ADORA1: variants seen among roughly 807,000 people sequenced by gnomAD.
ADORA1 encodes adenosine receptor A1.
A neutral mutation model predicts 19.9 loss-of-function variants in ADORA1; 6 were observed. That is an observed-to-expected ratio of 0.30 (90% CI 0.17 to 0.59). ADORA1 has a LOEUF of 0.59. Ranked by LOEUF, ADORA1 falls within the 20% of genes least tolerant of loss-of-function variation. The pLI, the probability that ADORA1 is intolerant of heterozygous loss-of-function variation, is 0.87. For synonymous variants in ADORA1, 194 were observed against 188.4 expected, an observed-to-expected ratio of 1.03 and a Z score of -0.24; for missense variants, 302 against 439.2, an observed-to-expected ratio of 0.69 and a Z score of 2.79.
intron 3 of ADORA1, among the ~76,000 whole-genome samples, chr1:203,146,015 T>A (rs1654847983): frequency 2.6e-5 from 4 of 152,174 alleles, no homozygotes; most frequent in Admixed American, 2.6e-4. Flanking sequence ...GGCATCTGCC[T>A]CTGAAATGTC....
At chr1:203,150,756 C>CT in intron 3 of ADORA1, 2 of 1,289,748 alleles carry the variant, frequency 1.6e-6, no homozygotes, top group Non-Finnish European at 2.0e-6. Flanking sequence ...GGGGTGGACT[C>CT]TTTCTTTGGA....
chr1:203,165,382 GC>G lies in ADORA1; in HGVS notation c.465del (p.Trp156GlyfsTer11). 1 of 1,604,922 alleles carries G rather than the reference GC, an allele frequency of 6.2e-7. No individual in the cohort carries two copies. The highest frequency in any genetic ancestry group is 8.5e-7 in the Non-Finnish European group (1 of 1,175,490). ...GWNNLSAVER[A>X]WAANGSMGEP... is the part of the protein sequence containing the mutation. The stretch of plus-strand genomic sequence containing the variant: ...GAACAATCTGAGTGCGGTGGAGCGG[GC>G]CTGGGCAGCCAACGGCAGCATGGGG... On this transcript the variant is annotated frameshift_variant, in exon 4 of 4. Transcript: ENST00000337894. LOFTEE classifies it high-confidence loss of function. This position sits in a 1 kb window ranked among gnomAD's most constrained non-coding sequence, Gnocchi z 5.9.
rs2228079 is a variant in ADORA1 at position 203,129,147 on chromosome 1, T to G, written c.306T>G (p.Ala102=). 0.32 allele frequency: 512,191 copies of G among 1,613,614 alleles called. 84,762 individuals are homozygous for G. Among genetic ancestry groups the G allele is most frequent in the South Asian group, 0.41 (37,187 of 91,022 alleles). ...CCATCCTGGCCCTGCTGGCAATTGCTGTGGACCGCTACCTCCGGGTCAAGA... is the reference window on the plus strand; with the variant it reads ...CCATCCTGGCCCTGCTGGCAATTGCGGTGGACCGCTACCTCCGGGTCAAGA... ...QSSILALLAI[A]VDRYLRVKIP... is the part of the protein sequence containing the mutation. The change falls in exon 3 of 4, where the codon GCT becomes GCG. Residue 102 remains alanine (A), a synonymous_variant. Coordinates refer to ENST00000337894, the MANE Select transcript of ADORA1 (RefSeq NM_000674.3).
At chr1:203,161,745 A>T (rs1655375361) in intron 3 of ADORA1, among the ~76,000 whole-genome samples, 1 of 150,530 alleles carries the variant, frequency 6.6e-6, no homozygotes, top group African/African-American at 2.4e-5. Context: ...CTAATTTTGT[A>T]TTTTTTTTTA....
chr1:203,128,420 A>T lies in ADORA1; in HGVS notation c.-70A>T, dbSNP rs892834029. 1.5e-6 allele frequency: 2 copies of T among 1,292,306 alleles called. No individual in the cohort carries two copies. The highest frequency in any genetic ancestry group is 3.0e-5 in the African/African-American group (2 of 65,970). The allele number at this position is 1,292,306 out of a possible 1,614,324, so 80.1% of individuals were successfully genotyped here. A position where few individuals can be genotyped will look rare whatever the true frequency, so the allele number is the denominator to read the frequency against. The stretch of plus-strand genomic sequence containing the variant: ...ACTGCCTCTGGGACCCCTGCCGGCC[A>T]GCAGGCAGGATGGTGAGCTCCCTGC... On this transcript the variant is annotated 5_prime_UTR_variant, in exon 2 of 4. Transcript: ENST00000337894. This position sits in a 1 kb window ranked among gnomAD's most constrained non-coding sequence, Gnocchi z 5.9.
intron 3 of ADORA1, chr1:203,144,636 C>T (rs1368298262): frequency 1.3e-5 from 2 of 152,196 alleles, no homozygotes; most frequent in African/African-American, 4.8e-5. Flanking sequence ...AAGATCTGTA[C>T]TTGAGCCTTG....
intron 3 of ADORA1, among the ~76,000 whole-genome samples, chr1:203,139,371 C>T (rs1054904963): frequency 2.6e-5 from 4 of 152,088 alleles, no homozygotes; most frequent in Admixed American, 2.0e-4. Context: ...TTCCCATTTT[C>T]GTAGTGAATT....
chr1:203,133,931 G>A (rs1268480720), intron 3 of ADORA1, among the ~76,000 whole-genome samples: 1 of 152,234 alleles, frequency 6.6e-6, no homozygotes, highest in Non-Finnish European at 1.5e-5. Context: ...GAAATGCCTT[G>A]TGTGCCGTCA....
At chr1:203,144,575 C>T (rs1215216206) in intron 3 of ADORA1, 1 of 152,196 alleles carries the variant, frequency 6.6e-6, no homozygotes, top group Non-Finnish European at 1.5e-5. Context: ...AACAGCCACA[C>T]AGCTAAGTAT....
At chr1:203,138,036 C>A (rs1654565621) in intron 3 of ADORA1, among the ~76,000 whole-genome samples, 1 of 152,058 alleles carries the variant, frequency 6.6e-6, no homozygotes, top group African/African-American at 2.4e-5. Context: ...TGTTTAAATT[C>A]ATGATGTATT....
Position 203,128,517 on chromosome 1 carries a change from G to C in ADORA1, c.-58+85G>C. On this transcript the variant is annotated intron_variant, in intron 2 of 3. Transcript: ENST00000337894. This position sits in a 1 kb window ranked among gnomAD's most constrained non-coding sequence, Gnocchi z 5.9. Reference sequence around the variant, plus strand: ...CCTCTGTGCGTGTGTCTGTGTGTGCGCGCGCGCTGGGAGCTGCCTCACACC... The same window carrying C: ...CCTCTGTGCGTGTGTCTGTGTGTGCCCGCGCGCTGGGAGCTGCCTCACACC... The C allele has an allele frequency of 9.4e-7, 1 of 1,069,444 alleles. No homozygotes were observed. The highest frequency in any genetic ancestry group is 1.2e-6 in the Non-Finnish European group (1 of 801,320). The allele number at this position is 1,069,444 out of a possible 1,614,324, so 66.2% of individuals were successfully genotyped here. A position where few individuals can be genotyped will look rare whatever the true frequency, so the allele number is the denominator to read the frequency against.
chr1:203,141,861 G>C (rs1238153416), intron 3 of ADORA1, among the ~76,000 whole-genome samples: 2 of 152,116 alleles, frequency 1.3e-5, no homozygotes, highest in Non-Finnish European at 2.9e-5. Context: ...GGGATTACAG[G>C]CATGAGCCAC....
intron 3 of ADORA1, among the ~76,000 whole-genome samples, chr1:203,143,357 C>G (rs1571792369): frequency 6.6e-6 from 1 of 152,278 alleles, no homozygotes; most frequent in East Asian, 1.9e-4. Context: ...TTATCTAACC[C>G]TAATTACCTC....
chr1:203,149,514 A>G (rs1654965939), intron 3 of ADORA1, among the ~76,000 whole-genome samples: 1 of 152,096 alleles, frequency 6.6e-6, no homozygotes, highest in Non-Finnish European at 1.5e-5. Flanking sequence ...GCTGTTCCCC[A>G]CCTCCACCCA....
At chr1:203,145,679 A>G (rs936126754) in intron 3 of ADORA1, among the ~76,000 whole-genome samples, 3 of 152,224 alleles carry the variant, frequency 2.0e-5, no homozygotes, top group African/African-American at 7.2e-5. Context: ...ACCTCGGTGA[A>G]GTGGAACTAG....
chr1:203,159,516 T>C (rs917539436), intron 3 of ADORA1, among the ~76,000 whole-genome samples: 24 of 152,176 alleles, frequency 1.6e-4, no homozygotes, highest in Admixed American at 2.6e-4. Flanking sequence ...GATCTTTCCC[T>C]GGCTGGCTCG....
At chr1:203,144,081 TACACAC>T (rs10525873) in intron 3 of ADORA1, among the ~76,000 whole-genome samples, 6,883 of 139,754 alleles carry the variant, frequency 0.049, 181 homozygotes, top group Middle Eastern at 0.075. Flanking sequence ...GACTACCTCT[TACACAC>T]ACACACACAC....
intron 3 of ADORA1, among the ~76,000 whole-genome samples, chr1:203,130,216 G>A (rs1377553169): frequency 5.3e-5 from 8 of 152,218 alleles, no homozygotes; most frequent in African/African-American, 1.7e-4. Flanking sequence ...CCCCTTGCCC[G>A]GGCAGGCCTA....
chr1:203,144,016 T>C (rs1016328269), intron 3 of ADORA1, among the ~76,000 whole-genome samples: 3 of 151,684 alleles, frequency 2.0e-5, no homozygotes, highest in Non-Finnish European at 4.4e-5. Flanking sequence ...GTCAGTCTCT[T>C]CTTAACCTGT....
Sources: gnomAD v4.1 joint callset for allele counts (sites outside exome capture counted in the v4.1 genomes callset) on GRCh38, gnomAD v4.1.1 for gene constraint, Gnocchi (gnomAD v3.1) non-coding constraint, MANE v1.5 for transcripts, NCBI Gene and HGNC (gene_info 2026-07-23, HGNC 2026-07-21) for gene names.